Variants in OGG1 observed in about 807,000 individuals in gnomAD.
OGG1 encodes the protein 8-oxoguanine DNA glycosylase, also known as N-glycosylase/DNA lyase.
In OGG1, 35 loss-of-function variants were observed where a neutral mutation model predicts 42.3. The observed-to-expected ratio is 0.83, with a 90% CI of 0.63 to 1.10. The LOEUF is 1.10. Ranked by LOEUF, OGG1 falls within the 50% of genes least tolerant of loss-of-function variation. The pLI is 0.00. For missense variants in OGG1, 484 were observed against 446.7 expected (o/e 1.08, Z -0.75); for synonymous variants, 189 against 179.0 (o/e 1.06, Z -0.44).
chr3:9,780,366 C>CA, intron 2 of OGG1: 4 of 1,612,488 alleles, frequency 2.5e-6, no homozygotes, highest in Non-Finnish European at 3.4e-6. Flanking sequence ...GCTACCCATC[C>CA]AGCAGCTTCA....
chr3:9,765,496 C>A (rs1337319717), intron 7 of OGG1, among the ~76,000 whole-genome samples: 1 of 152,144 alleles, frequency 6.6e-6, no homozygotes, highest in East Asian at 1.9e-4. Context: ...CAGGATGGAT[C>A]TTTACACCTG....
At chr3:9,756,735 C>T in intron 5 of OGG1, 32 bp from the exon 6 acceptor site, 2 of 1,614,100 alleles carry the variant, frequency 1.2e-6, no homozygotes, top group Non-Finnish European at 1.7e-6. Flanking sequence ...CAGAAGGGGT[C>T]AGATAACTTA....
At chr3:9,767,625 C>T (rs1382924108), downstream of OGG1, 2 of 1,612,794 alleles carry the variant, frequency 1.2e-6, no homozygotes, top group Admixed American at 1.7e-5. Flanking sequence ...CTGGACTCAG[C>T]CTCCCTCAGC....
At chr3:9,775,457 T>C (rs2125607989) in intron 2 of OGG1, among the ~76,000 whole-genome samples, 1 of 152,282 alleles carries the variant, frequency 6.6e-6, no homozygotes, top group Admixed American at 6.5e-5. Flanking sequence ...TGTATTTCTT[T>C]GCACCAACTT....
chr3:9,756,900 C>T, intron 6 of OGG1, 84 bp downstream of exon 6: 1 of 1,612,154 alleles, frequency 6.2e-7, no homozygotes, highest in Non-Finnish European at 8.5e-7. Flanking sequence ...CCCAGGTGGC[C>T]CTAAAGGACT....
At chr3:9,766,590 T>G (rs558948949) in exon 8 of OGG1, 1 of 1,004,332 alleles carries the variant, frequency 1.0e-6, no homozygotes, top group East Asian at 7.0e-5. Context: ...TCATTGAACT[T>G]TAAGAAGCAG....
At chr3:9,789,593 G>A (rs1485984912), downstream of OGG1, 1 of 1,614,116 alleles carries the variant, frequency 6.2e-7, no homozygotes, top group Non-Finnish European at 8.5e-7. Flanking sequence ...CAGCACAGTA[G>A]GGCTCCACTG....
chr3:9,750,987 G>A lies in OGG1; in HGVS notation c.180G>A (p.Ala60=), dbSNP rs368830432. ...QSPAHWSGVL[A]DQVWTLTQTE... is the part of the protein sequence containing the mutation. ...CTGCACACTGGAGTGGTGTACTAGC[G>A]GATCAAGTATGGACACTGACTCAGA... Residue 60 remains alanine (A), a synonymous_variant, in exon 2 of 7, where the codon GCG becomes GCA. Transcript: ENST00000344629. 8 of 1,613,974 alleles carry A rather than the reference G, an allele frequency of 5.0e-6. No homozygotes were observed. Among genetic ancestry groups the A allele is most frequent in the African/African-American group, 1.3e-5 (1 of 74,904 alleles).
At chr3:9,777,089 CAG>C (rs1176763145) in intron 2 of OGG1, among the ~76,000 whole-genome samples, 1 of 152,142 alleles carries the variant, frequency 6.6e-6, no homozygotes, top group East Asian at 1.9e-4. Context: ...CAGGAGCAGA[CAG>C]GGGCTGGGGA....
chr3:9,780,567 C>A (rs2078435643), intron 2 of OGG1: 2 of 1,592,818 alleles, frequency 1.3e-6, no homozygotes, highest in Non-Finnish European at 8.5e-7. Flanking sequence ...GACCAGCCAG[C>A]CAGGTGCCAG....
At chr3:9,789,618 C>T (rs1559720899), downstream of OGG1, 5 of 1,613,582 alleles carry the variant, frequency 3.1e-6, no homozygotes, top group Non-Finnish European at 4.2e-6. Flanking sequence ...CCAGAACCTG[C>T]AGGGAGAAGC....
downstream of OGG1, chr3:9,761,247 G>A (rs759598215): frequency 5.6e-6 from 3 of 532,154 alleles, no homozygotes; most frequent in Non-Finnish European, 9.9e-6. Flanking sequence ...CACTTTGTCT[G>A]GTTTGTGCTG....
rs372230600 is a variant in OGG1, at chr3:9,784,001, G to A, written c.382+2401G>A. On this transcript the variant is annotated intron_variant, in intron 3 of 3. Coordinates refer to the OGG1 transcript ENST00000426518. ...GGCCACAGCCTCCAAGGCCACCCCC[G>A]GGACTGTGCATCCTGCTAACGCTCA... is the stretch of plus-strand genomic sequence containing the variant. 3.7e-5 allele frequency: 60 copies of A among 1,601,502 alleles called. No individual in the cohort carries two copies. The African/African-American group carries it at 4.7e-4, about 13-fold the overall frequency.
chr3:9,775,065 C>A (rs2078348059), intron 2 of OGG1, among the ~76,000 whole-genome samples: 1 of 151,022 alleles, frequency 6.6e-6, no homozygotes. Context: ...CATGGTGAGA[C>A]CCTGTCTCTA....
At chr3:9,767,740 C>T (rs1199233790), downstream of OGG1, 1 of 1,613,996 alleles carries the variant, frequency 6.2e-7, no homozygotes, top group Non-Finnish European at 8.5e-7. Context: ...CCTTCCACTG[C>T]CCCCAGCATG....
At chr3:9,763,802 A>G (rs902302726) in intron 7 of OGG1, among the ~76,000 whole-genome samples, 1 of 152,162 alleles carries the variant, frequency 6.6e-6, no homozygotes, top group Non-Finnish European at 1.5e-5. Context: ...CCTGGCCAAC[A>G]TGGCGAAAAC....
chr3:9,767,037 C>T (rs1451373936), downstream of OGG1, among the ~76,000 whole-genome samples: 1 of 152,168 alleles, frequency 6.6e-6, no homozygotes, highest in African/African-American at 2.4e-5. Flanking sequence ...CTCTACCTCT[C>T]TCCACATAGA....
exon 8 of OGG1, chr3:9,766,489 G>GAA (rs1006026297): frequency 9.0e-6 from 3 of 334,028 alleles, no homozygotes; most frequent in Admixed American, 4.7e-5. Flanking sequence ...TCAAAAAAAA[G>GAA]AAAAAAAAAA....
intron 3 of OGG1, among the ~76,000 whole-genome samples, chr3:9,753,522 T>C (rs573274232): frequency 1.3e-5 from 2 of 151,150 alleles, no homozygotes; most frequent in South Asian, 2.1e-4. Flanking sequence ...GGTGTGGTGG[T>C]GGGCGCCTGT....
Sources: gnomAD v4.1 joint callset for allele counts (sites outside exome capture counted in the v4.1 genomes callset) on GRCh38, gnomAD v4.1.1 for gene constraint, MANE v1.5 for transcripts, NCBI Gene and HGNC (gene_info 2026-07-23, HGNC 2026-07-21) for gene names.